The following TRPM3 variants were observed in gnomAD, a reference collection of about 807,000 sequenced individuals.
The protein encoded by TRPM3 is long transient receptor potential channel 3.
A neutral mutation model predicts 181.2 loss-of-function variants in TRPM3; 77 were observed. The ratio of observed to expected loss-of-function variants is 0.42; its 90% CI spans 0.35 to 0.51. The LOEUF (loss-of-function observed/expected upper bound fraction) is 0.51, where lower values mean the gene tolerates loss of function less well. Among genes scored for constraint, TRPM3 ranks in the 20% least tolerant of loss-of-function variants. The probability of loss-of-function intolerance (pLI) is 0.01; values close to 1 mark genes in which losing one functional copy is unlikely to be tolerated. For synonymous variants in TRPM3, 745 were observed against 796.4 expected (o/e 0.94, Z 1.09); for missense variants, 1,759 against 2,196.7 (o/e 0.80, Z 3.98).
intron 1 of TRPM3, among the ~76,000 whole-genome samples, chr9:70,969,614 A>G (rs78139840): frequency 0.11 from 16,064 of 151,140 alleles, 972 homozygotes; most frequent in Non-Finnish European, 0.14. Flanking sequence ...AATTTCATGA[A>G]TTCTGCAGAT....
At chr9:71,028,559 C>CA (rs1443569811) in intron 1 of TRPM3, among the ~76,000 whole-genome samples, 1 of 149,918 alleles carries the variant, frequency 6.7e-6, no homozygotes, top group Admixed American at 6.7e-5. Context: ...ATGCTATCTT[C>CA]AAGAGACCCA....
rs193089360 is a variant in TRPM3, at chr9:71,261,478, A to G, written c.183+185175T>C. The stretch of plus-strand genomic sequence containing the variant: ...CTCCTTTAGCTCGGAGCCATTTCTC[A>G]TTACCCACATTCTGAAGCCTACTTC... On this transcript the variant is annotated intron_variant, in intron 1 of 24. Coordinates refer to the TRPM3 transcript ENST00000357533. Among the ~76,000 whole-genome samples the G allele has an allele frequency of 3.4e-3, 513 of 152,166 alleles. 4 individuals are homozygous for G. The highest frequency in any genetic ancestry group is 0.014 in the Middle Eastern group (4 of 294).
chr9:71,412,575 A>G (rs945676885), intron 1 of TRPM3, among the ~76,000 whole-genome samples: 9 of 152,260 alleles, frequency 5.9e-5, no homozygotes, highest in African/African-American at 1.9e-4. Context: ...TTAGAATGGC[A>G]ATCATTAAAA....
chr9:71,197,114 T>C (rs2078431076), intron 1 of TRPM3, among the ~76,000 whole-genome samples: 2 of 152,122 alleles, frequency 1.3e-5, no homozygotes, highest in African/African-American at 4.8e-5. Context: ...AGTGAGAACA[T>C]GCGATGTTTG....
chr9:70,549,648 T>C lies in TRPM3; in HGVS notation c.3601A>G (p.Lys1201Glu). The change falls in exon 25 of 26, where the codon AAG (lysine) becomes GAG (glutamate). Residue 1201 changes from lysine to glutamate, a missense_variant. Around this residue, in one of 8 missense-constraint regions of TRPM3, gnomAD observed 96 missense variants for 129.6 expected, o/e 0.74. Transcript: ENST00000677713. ...TGCTCTTCAAAGTCATGTACTTTCT[T>C]GAGCTCATCATCGGTTATGAAGAGT... The part of the protein sequence containing the change: ...LKLFITDDEL[K>E]KVHDFEEQCI... 6.2e-7 allele frequency: 1 copy of C among 1,610,934 alleles called. No homozygotes were observed. Among genetic ancestry groups the C allele is most frequent in the Non-Finnish European group, 8.5e-7 (1 of 1,179,712 alleles).
At chr9:71,166,033 C>G (rs1199569205) in intron 1 of TRPM3, among the ~76,000 whole-genome samples, 2 of 152,276 alleles carry the variant, frequency 1.3e-5, no homozygotes, top group East Asian at 1.9e-4. Flanking sequence ...TCCAGGTTCC[C>G]ATAGCATGTC....
chr9:70,581,974 CTCTCCCTCTTTT>C (rs1242184243), intron 22 of TRPM3, among the ~76,000 whole-genome samples: 7 of 139,572 alleles, frequency 5.0e-5, no homozygotes, highest in Non-Finnish European at 9.2e-5. Flanking sequence ...TTCCTTCCTT[CTCTCCCTCTTTT>C]TCTCCCTCCC....
chr9:71,165,267 T>C (rs1475374654), intron 1 of TRPM3, among the ~76,000 whole-genome samples: 1 of 152,146 alleles, frequency 6.6e-6, no homozygotes, highest in Non-Finnish European at 1.5e-5. Context: ...AGCATAAATA[T>C]ATATACAGCA....
chr9:70,605,986 AC>A (rs1269275320), intron 19 of TRPM3, among the ~76,000 whole-genome samples: 1 of 152,222 alleles, frequency 6.6e-6, no homozygotes, highest in Non-Finnish European at 1.5e-5. Context: ...AACTCCTTGA[AC>A]CTACATCTGT....
At chr9:71,201,363 C>T (rs912959282) in intron 1 of TRPM3, among the ~76,000 whole-genome samples, 1 of 152,032 alleles carries the variant, frequency 6.6e-6, no homozygotes, top group Non-Finnish European at 1.5e-5. Context: ...TGGAGTTGTT[C>T]TTCTCGAGGA....
intron 1 of TRPM3, among the ~76,000 whole-genome samples, chr9:71,346,460 G>A (rs1486666470): frequency 6.6e-6 from 1 of 152,160 alleles, no homozygotes; most frequent in Admixed American, 6.6e-5. Flanking sequence ...TAGGCACCGG[G>A]CCTCATTAAA....
chr9:70,695,179 G>C (rs28534504), intron 8 of TRPM3, among the ~76,000 whole-genome samples: 55,105 of 152,084 alleles, frequency 0.36, 10,248 homozygotes, highest in East Asian at 0.46. Context: ...TGTGTACGGA[G>C]CATGGACTTT....
chr9:70,826,420 A>G (rs556561949), intron 6 of TRPM3: 6 of 152,330 alleles, frequency 3.9e-5, no homozygotes, highest in African/African-American at 1.4e-4. Flanking sequence ...TTCCAAAGAC[A>G]GTTTGGGAAG....
At chr9:71,166,701 C>G (rs2076557387) in intron 1 of TRPM3, among the ~76,000 whole-genome samples, 1 of 152,048 alleles carries the variant, frequency 6.6e-6, no homozygotes, top group Admixed American at 6.6e-5. Flanking sequence ...AGTCTTTAAA[C>G]AACGTTAGAA....
chr9:71,427,209 A>C, intron 1 of TRPM3, among the ~76,000 whole-genome samples: 1 of 152,170 alleles, frequency 6.6e-6, no homozygotes, highest in East Asian at 1.9e-4. Flanking sequence ...GTGGTGATAC[A>C]CATCTCTCCT....
chr9:70,665,104 A>T (rs2061667575), intron 9 of TRPM3, among the ~76,000 whole-genome samples: 1 of 152,076 alleles, frequency 6.6e-6, no homozygotes. Flanking sequence ...ACTAAAGGCC[A>T]CTTCTCTTCT....
chr9:70,807,175 C>T (rs1430872842), intron 6 of TRPM3, among the ~76,000 whole-genome samples: 1 of 152,158 alleles, frequency 6.6e-6, no homozygotes, highest in East Asian at 1.9e-4. Context: ...TGAAAAGCAA[C>T]CATGGGCAAT....
intron 1 of TRPM3, among the ~76,000 whole-genome samples, chr9:71,096,735 C>G (rs1471086920): frequency 6.6e-6 from 1 of 151,942 alleles, no homozygotes; most frequent in East Asian, 1.9e-4. Flanking sequence ...TGTAAACAAA[C>G]AGTCCTTCAT....
chr9:70,828,904 G>C (rs2093721936), intron 5 of TRPM3, among the ~76,000 whole-genome samples: 2 of 152,058 alleles, frequency 1.3e-5, no homozygotes, highest in Non-Finnish European at 2.9e-5. Context: ...ACCCAGGACT[G>C]CCTGATTCCA....
Sources: gnomAD v4.1 joint callset for allele counts (sites outside exome capture counted in the v4.1 genomes callset) on GRCh38, gnomAD v4.1.1 for gene constraint, gnomAD v4.1.1 regional missense constraint, MANE v1.5 for transcripts, NCBI Gene and HGNC (gene_info 2026-07-23, HGNC 2026-07-21) for gene names.